VPS39: variants seen among roughly 807,000 people sequenced by gnomAD.
VPS39 encodes vam6/Vps39-like protein.
Under a neutral mutation model 121.0 loss-of-function variants are expected in VPS39, and 70 were observed. The observed-to-expected ratio is 0.58, with a 90% CI of 0.48 to 0.71. VPS39 has a LOEUF of 0.71. Ranked by LOEUF, VPS39 falls within the 30% of genes least tolerant of loss-of-function variation. The pLI, the probability that VPS39 is intolerant of heterozygous loss-of-function variation, is 0.00. For synonymous variants in VPS39, 378 were observed against 398.1 expected, an observed-to-expected ratio of 0.95 and a Z score of 0.60; for missense variants, 818 against 1,051.5, an observed-to-expected ratio of 0.78 and a Z score of 3.07.
chr15:42,194,679 G>A (rs1260454000), intron 2 of VPS39, among the ~76,000 whole-genome samples: 5 of 151,868 alleles, frequency 3.3e-5, no homozygotes, highest in African/African-American at 1.2e-4. Context: ...GTTGCAGTGA[G>A]TCATGATTGC....
Position 42,178,317 on chromosome 15 carries a change from G to A in VPS39, c.861C>T (p.Ala287=), listed in dbSNP as rs763815441. ...TGAGTCTCCAAACAAAATGATTGCT[G>A]GCCACATAGATAATGTTTGATCTGG... ...TSGGSNIIYV[A]SNHFVWRLIP... Residue 287 remains alanine (A), a synonymous_variant, in exon 10 of 25, where the codon GCC becomes GCT. Coordinates refer to ENST00000318006, the MANE Select transcript of VPS39 (RefSeq NM_015289.5). 18 of 1,613,956 alleles carry A rather than the reference G, an allele frequency of 1.1e-5. No homozygotes were observed. Among genetic ancestry groups the A allele is most frequent in the Non-Finnish European group, 1.4e-5 (17 of 1,180,036 alleles).
At chr15:42,177,768 G>A (rs191681285) in intron 10 of VPS39, among the ~76,000 whole-genome samples, 1 of 152,194 alleles carries the variant, frequency 6.6e-6, no homozygotes, top group East Asian at 1.9e-4. Context: ...CTGGGTTCAA[G>A]CAATTCTCCT....
At position 42,165,003 on chromosome 15, in the gene VPS39, G is replaced by A; in HGVS notation, c.1890C>T (p.Phe630=). Residue 630 remains phenylalanine, a synonymous_variant, in exon 18 of 25, where the codon TTC becomes TTT. Transcript: ENST00000318006. The part of the protein sequence containing the change: ...QGLMKEYLLS[F]PAGKTPVPAG... Reference sequence around the variant, plus strand: ...TCCTAAAAGAACTGGTACCTGCAGGGAAGGACAGGAGATACTCCTTCATCA... The same window carrying A: ...TCCTAAAAGAACTGGTACCTGCAGGAAAGGACAGGAGATACTCCTTCATCA... 6.2e-7 allele frequency: 1 copy of A among 1,614,218 alleles called. No individual in the cohort carries two copies. Among genetic ancestry groups the A allele is most frequent in the Non-Finnish European group, 8.5e-7 (1 of 1,180,038 alleles).
Position 42,199,981 on chromosome 15 carries a change from C to CAAAAAAA in VPS39, c.74-21_74-20insTTTTTTT. 6.8e-7 allele frequency: 1 copy of CAAAAAAA among 1,475,822 alleles called. No individual in the cohort carries two copies. Among genetic ancestry groups the CAAAAAAA allele is most frequent in the Admixed American group, 2.7e-5 (1 of 37,664 alleles). The allele number at this position is 1,475,822 out of a possible 1,614,324, so 91.4% of individuals were successfully genotyped here. A position where few individuals can be genotyped will look rare whatever the true frequency, so the allele number is the denominator to read the frequency against. ...ATTCCTCTGGAAAAACAAAACAAAA[C>CAAAAAAA]AAAAACAAAAACAAAAAAAAACCAG... On this transcript the variant is annotated intron_variant, in intron 1 of 24. Transcript: ENST00000318006.
intron 15 of VPS39, 126 bp downstream of exon 15, chr15:42,166,437 G>A: frequency 8.2e-7 from 1 of 1,224,768 alleles, no homozygotes; most frequent in Non-Finnish European, 1.2e-6. Context: ...ATGCCATTTG[G>A]AGGAATGAAA....
intron 4 of VPS39, 112 bp downstream of exon 4, chr15:42,191,013 G>A (rs1595674478): frequency 8.0e-7 from 1 of 1,257,570 alleles, no homozygotes; most frequent in South Asian, 1.2e-5. Context: ...ACCAGGTTTG[G>A]AACACGTCAG....
chr15:42,189,235 G>A, intron 4 of VPS39, 27 bp from the exon 5 acceptor site: 1 of 1,558,388 alleles, frequency 6.4e-7, no homozygotes, highest in Non-Finnish European at 8.8e-7. Context: ...ATAACATCAG[G>A]ATCAATGATC....
At position 42,165,737 on chromosome 15, in the gene VPS39, C is replaced by G; in HGVS notation, c.1760G>C (p.Gly587Ala). The change falls in exon 17 of 25, where the codon GGT becomes GCT. Residue 587 changes from glycine to alanine, a missense_variant. Physicochemically the swap from Gly to Ala is moderately conservative, Grantham distance 60. Coordinates refer to ENST00000318006, the MANE Select transcript of VPS39 (RefSeq NM_015289.5). The part of the protein sequence containing the change: ...VLGFLIENFK[G>A]LAIPYLEHII... Reference sequence around the variant, plus strand: ...CCTTACCAGATAAGGAATAGCCAGACCCTTAAAATTCTCTATTAAGAAGCC... The same window carrying G: ...CCTTACCAGATAAGGAATAGCCAGAGCCTTAAAATTCTCTATTAAGAAGCC... 1.2e-6 allele frequency: 2 copies of G among 1,614,122 alleles called. No individual in the cohort carries two copies. Among genetic ancestry groups the G allele is most frequent in the Non-Finnish European group, 1.7e-6 (2 of 1,179,996 alleles).
chr15:42,163,509 A>G (rs998228238), intron 20 of VPS39, 114 bp from the exon 21 acceptor site: 59 of 1,541,868 alleles, frequency 3.8e-5, no homozygotes, highest in Non-Finnish European at 5.0e-5. Context: ...GCGGGCCAGG[A>G]CGGAGGCGAT....
chr15:42,203,791 C>T (rs1016614851), intron 1 of VPS39, among the ~76,000 whole-genome samples: 1 of 152,194 alleles, frequency 6.6e-6, no homozygotes, highest in African/African-American at 2.4e-5. Context: ...ATGTTGGGTC[C>T]TCCACTCTCT....
chr15:42,172,796 A>G (rs1272705732), intron 11 of VPS39, among the ~76,000 whole-genome samples: 1 of 152,188 alleles, frequency 6.6e-6, no homozygotes, highest in Non-Finnish European at 1.5e-5. Context: ...AATTCTTTCA[A>G]CTGTCATTAC....
intron 5 of VPS39, among the ~76,000 whole-genome samples, chr15:42,188,734 C>T (rs2049757346): frequency 6.6e-6 from 1 of 152,060 alleles, no homozygotes; most frequent in Non-Finnish European, 1.5e-5. Context: ...CTTTGGGAGG[C>T]CAAGGTCACC....
At chr15:42,169,966 A>T in intron 11 of VPS39, 100 bp from the exon 12 acceptor site, 11 of 1,130,126 alleles carry the variant, frequency 9.7e-6, no homozygotes, top group Non-Finnish European at 1.2e-5. Context: ...TTCCAGACTG[A>T]TTTAAAAAAA....
intron 23 of VPS39, 73 bp from the exon 24 acceptor site, chr15:42,161,846 CTG>C: frequency 6.3e-7 from 1 of 1,585,500 alleles, no homozygotes; most frequent in Non-Finnish European, 8.7e-7. Context: ...AGGCCAGCAA[CTG>C]TGTCCTCTTT....
Position 42,166,639 on chromosome 15 carries a change from C to T in VPS39, c.1530G>A (p.Val510=). 2 of 1,614,198 alleles carry T rather than the reference C, an allele frequency of 1.2e-6. No homozygotes were observed. Among genetic ancestry groups the T allele is most frequent in the East Asian group, 4.5e-5 (2 of 44,882 alleles). The change falls in exon 15 of 25, where the codon GTG becomes GTA. Residue 510 remains valine, a synonymous_variant. Transcript: ENST00000318006. ...TGGCTTTCTTGGACTGGTCCACGAGCACCTGCAGAGCTGGCCACCAAGCCC... is the reference window on the plus strand; with the variant it reads ...TGGCTTTCTTGGACTGGTCCACGAGTACCTGCAGAGCTGGCCACCAAGCCC... ...KKGLHEKALQ[V]LVDQSKKANS... is the part of the protein sequence containing the mutation.
At chr15:42,161,795 G>A (rs749522618) in intron 23 of VPS39, 22 bp from the exon 24 acceptor site, 1 of 1,613,500 alleles carries the variant, frequency 6.2e-7, no homozygotes, top group Admixed American at 1.7e-5. Flanking sequence ...GGGGGATTGA[G>A]GAAGAAGTTC....
At chr15:42,186,061 G>A (rs188173668) in intron 7 of VPS39, among the ~76,000 whole-genome samples, 6 of 152,212 alleles carry the variant, frequency 3.9e-5, no homozygotes, top group Non-Finnish European at 8.8e-5. Flanking sequence ...TGGCACAGCA[G>A]TGACTCCTCC....
intron 7 of VPS39, among the ~76,000 whole-genome samples, chr15:42,186,031 C>T (rs1285703669): frequency 1.3e-5 from 2 of 152,148 alleles, no homozygotes; most frequent in African/African-American, 4.8e-5. Context: ...CATCTGTAGG[C>T]CTACTTGCTA....
At chr15:42,165,150 C>T (rs754106542) in intron 17 of VPS39, 37 bp from the exon 18 acceptor site, 3 of 1,596,668 alleles carry the variant, frequency 1.9e-6, no homozygotes, top group African/African-American at 1.3e-5. Flanking sequence ...CTGGTATTCT[C>T]CAGGCTGTGA....
Sources: gnomAD v4.1 joint callset for allele counts (sites outside exome capture counted in the v4.1 genomes callset) on GRCh38, gnomAD v4.1.1 for gene constraint, MANE v1.5 for transcripts, NCBI Gene and HGNC (gene_info 2026-07-23, HGNC 2026-07-21) for gene names.